SRSF10: variants seen among roughly 807,000 people sequenced by gnomAD.
The protein encoded by SRSF10 is serine/arginine-rich splicing factor 10.
SRSF10 carries 9 observed loss-of-function variants against 32.6 expected under a neutral mutation model. The ratio of observed to expected loss-of-function variants is 0.28; its 90% CI spans 0.17 to 0.48. The LOEUF is 0.48. Ranked by LOEUF, SRSF10 falls within the 20% of genes least tolerant of loss-of-function variation. SRSF10 has a pLI of 0.99. For synonymous variants in SRSF10, 105 were observed against 112.4 expected, an observed-to-expected ratio of 0.93 and a Z score of 0.42; for missense variants, 201 against 331.8, an observed-to-expected ratio of 0.61 and a Z score of 3.06.
rs1371274281 is a variant in SRSF10 at position 23,980,267 on chromosome 1, G to A, written c.-12C>T. The stretch of plus-strand genomic sequence containing the variant: ...AGGTAGCGGGACATGGCGGCGGCGT[G>A]TCTCGGCCGGGCGCACTAACGGGCT... On this transcript the variant is annotated 5_prime_UTR_variant, in exon 1 of 6. Transcript: ENST00000492112. The A allele has an allele frequency of 6.8e-6, 10 of 1,481,160 alleles. No homozygotes were observed. The highest frequency in any genetic ancestry group is 2.9e-5 in the African/African-American group (2 of 68,278). The allele number at this position is 1,481,160 out of a possible 1,614,324, so 91.8% of individuals were successfully genotyped here. A position where few individuals can be genotyped will look rare whatever the true frequency, so the allele number is the denominator to read the frequency against.
Position 23,968,106 on chromosome 1 carries a change from C to T in SRSF10, c.*3036G>A, listed in dbSNP as rs1428604370. ...TAAACTCAGTAAGTGGGGGACTCAA[C>T]TACATCACCCAAAACTAACATAAAA... On this transcript the variant is annotated 3_prime_UTR_variant, in exon 6 of 6. Coordinates refer to ENST00000492112, the MANE Select transcript of SRSF10 (RefSeq NM_054016.4). 2.2e-6 allele frequency: 3 copies of T among 1,341,276 alleles called. No individual in the cohort carries two copies. In the East Asian group the frequency reaches 7.5e-5, roughly 34 times the overall value. The allele number at this position is 1,341,276 out of a possible 1,614,324, so 83.1% of individuals were successfully genotyped here. A position where few individuals can be genotyped will look rare whatever the true frequency, so the allele number is the denominator to read the frequency against.
Position 23,968,889 on chromosome 1 carries a change from G to A in SRSF10, c.*2253C>T, listed in dbSNP as rs1322233277. Among the ~76,000 whole-genome samples, 1 of 152,098 alleles carries A rather than the reference G, an allele frequency of 6.6e-6. No homozygotes were observed. The highest frequency in any genetic ancestry group is 1.5e-5 in the Non-Finnish European group (1 of 67,990). On this transcript the variant is annotated 3_prime_UTR_variant, in exon 6 of 6. Coordinates refer to ENST00000492112, the MANE Select transcript of SRSF10 (RefSeq NM_054016.4). ...TAATGAGCAATCATGAAACAACTTT[G>A]ATATTACACAATGAATTTTTAACTA...
intron 3 of SRSF10, among the ~76,000 whole-genome samples, chr1:23,972,763 C>T (rs1445630928): frequency 3.5e-5 from 5 of 143,658 alleles, no homozygotes; most frequent in African/African-American, 7.8e-5. Flanking sequence ...TTTTTTGAGA[C>T]GGAGTTTTGC....
At position 23,966,272 on chromosome 1, in the gene SRSF10, T is replaced by A. The variant is rs1641446603; in HGVS notation, c.*4870A>T. ...CCTTGAAAATATACCTCTGCTATAT[T>A]TTCAAAATTGCTACAAATTAAAAGC... On this transcript the variant is annotated 3_prime_UTR_variant, in exon 6 of 6. Coordinates refer to ENST00000492112, the MANE Select transcript of SRSF10 (RefSeq NM_054016.4). The A allele has an allele frequency of 6.6e-6, 1 of 151,964 alleles. No individual in the cohort carries two copies. The highest frequency in any genetic ancestry group is 2.4e-5 in the African/African-American group (1 of 41,432). 9.4% of individuals were successfully genotyped at this position (151,964 alleles called of 1,614,324 possible). A position where few individuals can be genotyped will look rare whatever the true frequency, so the allele number is the denominator to read the frequency against.
At chr1:23,975,356 G>T in intron 2 of SRSF10, 1 of 309,194 alleles carries the variant, frequency 3.2e-6, no homozygotes, top group Non-Finnish European at 5.9e-6. Context: ...TCACCAAGTT[G>T]TCCTATCCAA....
chr1:23,972,428 T>C (rs35956470), intron 3 of SRSF10, among the ~76,000 whole-genome samples: 148,871 of 150,454 alleles, frequency 0.99, 73,668 homozygotes, highest in East Asian at 1. Context: ...TGTGTTTTGG[T>C]GTCTTTTTTT....
intron 2 of SRSF10, among the ~76,000 whole-genome samples, chr1:23,978,445 T>C (rs1339422382): frequency 1.3e-5 from 2 of 152,256 alleles, no homozygotes; most frequent in African/African-American, 4.8e-5. Context: ...TTAAAGGTAG[T>C]AGCAACCAGA....
Position 23,980,269 on chromosome 1 carries a change from C to G in SRSF10, c.-14G>C. ...GTAGCGGGACATGGCGGCGGCGTGT[C>G]TCGGCCGGGCGCACTAACGGGCTCA... On this transcript the variant is annotated 5_prime_UTR_variant, in exon 1 of 6. Transcript: ENST00000492112. The G allele has an allele frequency of 6.8e-7, 1 of 1,476,972 alleles. No individual in the cohort carries two copies. The highest frequency in any genetic ancestry group is 9.0e-7 in the Non-Finnish European group (1 of 1,110,264). The allele number at this position is 1,476,972 out of a possible 1,614,324, so 91.5% of individuals were successfully genotyped here.
chr1:23,965,472 T>C lies in SRSF10; in HGVS notation c.*5670A>G, dbSNP rs1290932706. 11 of 152,130 alleles carry C rather than the reference T, an allele frequency of 7.2e-5. No individual in the cohort carries two copies. The South Asian group carries it at 2.1e-3, about 29-fold the overall frequency. 9.4% of individuals were successfully genotyped at this position (152,130 alleles called of 1,614,324 possible). A position where few individuals can be genotyped will look rare whatever the true frequency, so the allele number is the denominator to read the frequency against. On this transcript the variant is annotated 3_prime_UTR_variant, in exon 6 of 6. Transcript: ENST00000492112. ...ACCTTGTAAGGTTGTGAGAAATGAA[T>C]AGCATAATATGCAAGAAGCTATCAC...
chr1:23,965,550 A>C lies in SRSF10; in HGVS notation c.*5592T>G, dbSNP rs1278705336. 1 of 152,154 alleles carries C rather than the reference A, an allele frequency of 6.6e-6. No individual in the cohort carries two copies. Among genetic ancestry groups the C allele is most frequent in the Non-Finnish European group, 1.5e-5 (1 of 67,854 alleles). 9.4% of individuals were successfully genotyped at this position (152,154 alleles called of 1,614,324 possible). ...TTCTCATCTGTAAAATGGGAATAAT[A>C]CCCATTTCCCAGGAGTGTTTTTAGG... On this transcript the variant is annotated 3_prime_UTR_variant, in exon 6 of 6. Transcript: ENST00000492112.
intron 2 of SRSF10, 137 bp downstream of exon 2, chr1:23,978,576 G>T: frequency 1.7e-6 from 2 of 1,145,558 alleles, no homozygotes; most frequent in Non-Finnish European, 2.3e-6. Context: ...GTGTGAGTCA[G>T]AATTAATTTT....
Position 23,969,687 on chromosome 1 carries a change from G to C in SRSF10, c.*1455C>G. 2 of 985,220 alleles carry C rather than the reference G, an allele frequency of 2.0e-6. No homozygotes were observed. Among genetic ancestry groups the C allele is most frequent in the Non-Finnish European group, 2.4e-6 (2 of 829,762 alleles). The allele number at this position is 985,220 out of a possible 1,614,324, so 61.0% of individuals were successfully genotyped here. A position where few individuals can be genotyped will look rare whatever the true frequency, so the allele number is the denominator to read the frequency against. On this transcript the variant is annotated 3_prime_UTR_variant, in exon 6 of 6. Coordinates refer to ENST00000492112, the MANE Select transcript of SRSF10 (RefSeq NM_054016.4). ...AAATTGGACATGTCAAGTCACTTTT[G>C]TCCCCAAAACGATCTTTCAGAGAAA... is the stretch of plus-strand genomic sequence containing the variant.
rs933297357 is a variant in SRSF10, at chr1:23,976,090, T to C, written c.171-1013A>G. ...CATTCAAGACAGTGTTTGATATAAA[T>C]GGTTTGGAAAGAGAGCTAGGTTAGG... is the stretch of plus-strand genomic sequence containing the variant. On this transcript the variant is annotated intron_variant, in intron 2 of 5. Transcript: ENST00000492112. The C allele has an allele frequency of 4.6e-5, 7 of 152,366 alleles. No individual in the cohort carries two copies. The East Asian group carries it at 1.3e-3, about 29-fold the overall frequency. 9.4% of individuals were successfully genotyped at this position (152,366 alleles called of 1,614,324 possible). A position where few individuals can be genotyped will look rare whatever the true frequency, so the allele number is the denominator to read the frequency against.
intron 3 of SRSF10, among the ~76,000 whole-genome samples, chr1:23,974,286 G>C (rs1354891018): frequency 6.6e-6 from 1 of 152,094 alleles, no homozygotes; most frequent in Admixed American, 6.6e-5. Context: ...CTCTTAATTA[G>C]TATCTTGCCC....
rs1641710240 is a variant in SRSF10, at chr1:23,970,766, T to A, written c.*376A>T. On this transcript the variant is annotated 3_prime_UTR_variant, in exon 6 of 6. Transcript: ENST00000492112. Reference sequence around the variant, plus strand: ...ACTTCACTTTTGTATCATTCTATCTTATTAGCAAGCTACATTTCTAGGTTA... The same window carrying A: ...ACTTCACTTTTGTATCATTCTATCTAATTAGCAAGCTACATTTCTAGGTTA... The A allele has an allele frequency of 9.7e-7, 1 of 1,025,864 alleles. No individual in the cohort carries two copies. Among genetic ancestry groups the A allele is most frequent in the African/African-American group, 1.7e-5 (1 of 57,742 alleles). 63.5% of individuals were successfully genotyped at this position (1,025,864 alleles called of 1,614,324 possible). A position where few individuals can be genotyped will look rare whatever the true frequency, so the allele number is the denominator to read the frequency against.
intron 4 of SRSF10, 46 bp downstream of exon 4, chr1:23,971,803 AC>A: frequency 9.6e-6 from 15 of 1,563,824 alleles, no homozygotes; most frequent in Non-Finnish European, 1.3e-5. Context: ...TTAAATGCTA[AC>A]AAATACATTT....
rs1641665796 is a variant in SRSF10 at position 23,970,268 on chromosome 1, A to G, written c.*874T>C. The G allele has an allele frequency of 1.0e-6, 1 of 985,162 alleles. No individual in the cohort carries two copies. Among genetic ancestry groups the G allele is most frequent in the Non-Finnish European group, 1.2e-6 (1 of 829,898 alleles). The allele number at this position is 985,162 out of a possible 1,614,324, so 61.0% of individuals were successfully genotyped here. On this transcript the variant is annotated 3_prime_UTR_variant, in exon 6 of 6. Coordinates refer to ENST00000492112, the MANE Select transcript of SRSF10 (RefSeq NM_054016.4). ...GCTCCATGTTTCAGTCAAAAACTCA[A>G]TTTCCCAGCTGGCATCATTCCCCAA...
rs1641614262 is a variant in SRSF10, at chr1:23,969,380, C to T, written c.*1762G>A. 5 of 985,594 alleles carry T rather than the reference C, an allele frequency of 5.1e-6. No homozygotes were observed. The highest frequency in any genetic ancestry group is 6.0e-6 in the Non-Finnish European group (5 of 829,800). 61.1% of individuals were successfully genotyped at this position (985,594 alleles called of 1,614,324 possible). A position where few individuals can be genotyped will look rare whatever the true frequency, so the allele number is the denominator to read the frequency against. ...AAAATTAAAGAAACGTGCATATAAA[C>T]GATTGCATAGCAGAACATGAACATT... On this transcript the variant is annotated 3_prime_UTR_variant, in exon 6 of 6. Transcript: ENST00000492112.
At chr1:23,979,557 CTAA>C (rs1479847181) in intron 1 of SRSF10, among the ~76,000 whole-genome samples, 1 of 152,128 alleles carries the variant, frequency 6.6e-6, no homozygotes, top group African/African-American at 2.4e-5. Flanking sequence ...TGTCAACGTC[CTAA>C]TGACTGACGC....
Sources: allele counts gnomAD v4.1 joint callset (sites outside exome capture counted in the v4.1 genomes callset), GRCh38; gene constraint gnomAD v4.1.1; transcripts MANE v1.5; gene names NCBI Gene and HGNC (gene_info 2026-07-23, HGNC 2026-07-21).